ZNF549: variants seen among roughly 807,000 people sequenced by gnomAD.
ZNF549 encodes zinc finger protein 549.
In ZNF549, 11 loss-of-function variants were observed where a neutral mutation model predicts 11.1. That is an observed-to-expected ratio of 0.99 (90% CI 0.62 to 1.64). ZNF549 has a LOEUF of 1.64. Ranked by LOEUF, ZNF549 falls within the 40% of genes most tolerant of loss-of-function variation. The pLI is 0.00. For missense variants in ZNF549, 748 were observed against 765.1 expected, an observed-to-expected ratio of 0.98 and a Z score of 0.26; for synonymous variants, 266 against 269.1, an observed-to-expected ratio of 0.99 and a Z score of 0.11.
At chr19:57,531,875 A>G (rs1600163790) in intron 2 of ZNF549, among the ~76,000 whole-genome samples, 1 of 152,218 alleles carries the variant, frequency 6.6e-6, no homozygotes, top group African/African-American at 2.4e-5. Context: ...GGAATTATCC[A>G]TGTAATATTT....
intron 2 of ZNF549, 27 bp downstream of exon 2, chr19:57,531,135 A>G: frequency 6.3e-7 from 1 of 1,597,620 alleles, no homozygotes; most frequent in Non-Finnish European, 8.5e-7. Context: ...CCAGGTCTTC[A>G]CTGGCCCTGT....
Position 57,537,971 on chromosome 19 carries a change from C to T in ZNF549, c.967C>T (p.Gln323Ter), listed in dbSNP as rs2089934385. ...LSSKYSLVEH[Q>*]RTHNGEKPYV... ...CTCCAAATACTCACTTGTGGAACAC[C>T]AGAGAACCCATAATGGAGAAAAGCC... The change falls in exon 4 of 4, where the codon CAG becomes TAG. Residue 323 changes from glutamine to a stop codon, truncating the protein, a stop_gained. Coordinates refer to ENST00000376233, the MANE Select transcript of ZNF549 (RefSeq NM_001199295.2). LOFTEE classifies it low-confidence loss of function (END_TRUNC). 1 of 1,614,078 alleles carries T rather than the reference C, an allele frequency of 6.2e-7. No individual in the cohort carries two copies. Among genetic ancestry groups the T allele is most frequent in the African/African-American group, 1.3e-5 (1 of 75,004 alleles).
At position 57,540,008 on chromosome 19, in the gene ZNF549, C is replaced by T. The variant is rs1241754606; in HGVS notation, c.*1081C>T. ...CAGACCTTTGATTCTCCTTTAGCAA[C>T]ACACATCGTCAGCATAAGGCATCTA... On this transcript the variant is annotated 3_prime_UTR_variant, in exon 4 of 4. Transcript: ENST00000376233. 8 of 152,310 alleles carry T rather than the reference C, an allele frequency of 5.3e-5. No homozygotes were observed. In the East Asian group the frequency reaches 1.2e-3, roughly 22 times the overall value. 9.4% of individuals were successfully genotyped at this position (152,310 alleles called of 1,614,324 possible).
chr19:57,535,019 G>A, intron 2 of ZNF549, 125 bp from the exon 3 acceptor site: 2 of 1,287,952 alleles, frequency 1.6e-6, no homozygotes, highest in Non-Finnish European at 2.1e-6. Context: ...AAGGCCCAGA[G>A]CCCAGTGGGA....
rs779519614 is a variant in ZNF549, at chr19:57,537,605, C to T, written c.601C>T (p.Gln201Ter). The stretch of plus-strand genomic sequence containing the variant: ...AACCATCCTGGGCCTTCTCCAACAC[C>T]AGACCACCCACAGCAGACAAGAGTA... ...FPTILGLLQH[Q>*]TTHSRQEYAH... Residue 201 changes from glutamine (Q) to a stop codon, truncating the protein, a stop_gained, in exon 4 of 4, where the codon CAG (glutamine) becomes TAG (stop). Coordinates refer to ENST00000376233, the MANE Select transcript of ZNF549 (RefSeq NM_001199295.2). LOFTEE classifies it low-confidence loss of function (END_TRUNC). The T allele has an allele frequency of 6.2e-6, 10 of 1,614,184 alleles. No individual in the cohort carries two copies. The highest frequency in any genetic ancestry group is 8.5e-6 in the Non-Finnish European group (10 of 1,180,030).
intron 3 of ZNF549, among the ~76,000 whole-genome samples, chr19:57,536,205 TC>T (rs1172939665): frequency 2.0e-5 from 3 of 152,170 alleles, no homozygotes; most frequent in African/African-American, 7.2e-5. Context: ...GTTCCTCAGC[TC>T]GTGATGGGGT....
In ZNF549 at chr19:57,527,378, T is replaced by A. The variant is rs763002320; in HGVS notation, c.-196T>A. The A allele has an allele frequency of 2.6e-4, 191 of 729,502 alleles. No homozygotes were observed. The highest frequency in any genetic ancestry group is 4.1e-4 in the Non-Finnish European group (181 of 436,284). The allele number at this position is 729,502 out of a possible 1,614,324, so 45.2% of individuals were successfully genotyped here. A position where few individuals can be genotyped will look rare whatever the true frequency, so the allele number is the denominator to read the frequency against. Reference sequence around the variant, plus strand: ...GTCGTTTTTGCTGCCTGCGAGCGCGTCCGCGGGCTGGGCGTTTCCGGCTCG... The same window carrying A: ...GTCGTTTTTGCTGCCTGCGAGCGCGACCGCGGGCTGGGCGTTTCCGGCTCG... On this transcript the variant is annotated 5_prime_UTR_variant, in exon 1 of 4. Transcript: ENST00000376233.
intron 3 of ZNF549, among the ~76,000 whole-genome samples, chr19:57,535,870 G>T (rs185586826): frequency 1.3e-5 from 2 of 152,216 alleles, no homozygotes; most frequent in Non-Finnish European, 2.9e-5. Context: ...TCCTGAAAGC[G>T]TAGTGAAGTC....
intron 3 of ZNF549, among the ~76,000 whole-genome samples, chr19:57,536,459 C>CT (rs2089924917): frequency 6.6e-6 from 1 of 152,176 alleles, no homozygotes; most frequent in African/African-American, 2.4e-5. Flanking sequence ...GAATGTGTCA[C>CT]TTTCGTATCA....
rs2089882709 is a variant in ZNF549 at position 57,527,509 on chromosome 19, C to T, written c.-65C>T. Reference sequence around the variant, plus strand: ...TGAGCGTCGCCCAGCGATTTGCCACCGCACGCACGCCGGATCCCGGGCTTT... The same window carrying T: ...TGAGCGTCGCCCAGCGATTTGCCACTGCACGCACGCCGGATCCCGGGCTTT... On this transcript the variant is annotated 5_prime_UTR_variant, in exon 1 of 4. Coordinates refer to ENST00000376233, the MANE Select transcript of ZNF549 (RefSeq NM_001199295.2). 3 of 1,606,382 alleles carry T rather than the reference C, an allele frequency of 1.9e-6. No individual in the cohort carries two copies. The highest frequency in any genetic ancestry group is 1.1e-5 in the South Asian group (1 of 90,356).
intron 3 of ZNF549, among the ~76,000 whole-genome samples, chr19:57,536,161 T>C (rs918229038): frequency 6.6e-6 from 1 of 152,206 alleles, no homozygotes; most frequent in Non-Finnish European, 1.5e-5. Flanking sequence ...CTATACCTAA[T>C]GTATTTAATA....
At position 57,537,896 on chromosome 19, in the gene ZNF549, C is replaced by A; in HGVS notation, c.892C>A (p.His298Asn). 6.2e-7 allele frequency: 1 copy of A among 1,613,710 alleles called. No homozygotes were observed. Among genetic ancestry groups the A allele is most frequent in the Non-Finnish European group, 8.5e-7 (1 of 1,179,878 alleles). The change falls in exon 4 of 4, where the codon CAC becomes AAC. Residue 298 changes from histidine (H) to asparagine (N), a missense_variant. Transcript: ENST00000376233. ...ACTCGTTGGGCACCAGCAGAGAATT[C>A]ACACTAGAGAAAGGTCTTATGTGTG... ...QTLVGHQQRIHTRERSYVCIE... is the reference protein window; with the variant it reads ...QTLVGHQQRINTRERSYVCIE...
rs146835414 is a variant in ZNF549 at position 57,538,529 on chromosome 19, G to C, written c.1525G>C (p.Gly509Arg). ...TTATGAATGCAGTGAATGTGGAAAA[G>C]GCTTCTACCTTGAGGTTAAACTTCT... ...RPYECSECGK[G>R]FYLEVKLLQH... is the part of the protein sequence containing the mutation. The change falls in exon 4 of 4, where the codon GGC becomes CGC. Residue 509 changes from glycine to arginine, a missense_variant. By Grantham distance (125) the Gly-to-Arg change is moderately radical. Coordinates refer to ENST00000376233, the MANE Select transcript of ZNF549 (RefSeq NM_001199295.2). 213 of 1,614,000 alleles carry C rather than the reference G, an allele frequency of 1.3e-4. No individual in the cohort carries two copies. The highest frequency in any genetic ancestry group is 1.8e-4 in the Non-Finnish European group (207 of 1,180,036).
chr19:57,530,795 G>A (rs1294095559), intron 1 of ZNF549, among the ~76,000 whole-genome samples: 3 of 151,942 alleles, frequency 2.0e-5, no homozygotes, highest in Non-Finnish European at 4.4e-5. Flanking sequence ...GACTTAAATG[G>A]CAAGTAAGAA....
In ZNF549 at chr19:57,540,808, A is replaced by G. The variant is rs543687141; in HGVS notation, c.*1881A>G. 1.1e-4 allele frequency: 16 copies of G among 152,252 alleles called. No individual in the cohort carries two copies. Among genetic ancestry groups the G allele is most frequent in the Admixed American group, 9.8e-4 (15 of 15,298 alleles). 9.4% of individuals were successfully genotyped at this position (152,252 alleles called of 1,614,324 possible). ...ACAGATAAGAAATACGTGTGTATAT[A>G]TTCTATTTTGTGTGTTTTCATTCAC... is the stretch of plus-strand genomic sequence containing the variant. On this transcript the variant is annotated 3_prime_UTR_variant, in exon 4 of 4. Transcript: ENST00000376233.
intron 2 of ZNF549, among the ~76,000 whole-genome samples, chr19:57,533,216 A>C (rs1239739147): frequency 2.6e-5 from 4 of 152,172 alleles, no homozygotes; most frequent in Non-Finnish European, 5.9e-5. Flanking sequence ...GGGCAGGGGA[A>C]GCATTTTAAG....
At position 57,527,428 on chromosome 19, in the gene ZNF549, G is replaced by A; in HGVS notation, c.-146G>A. 1.7e-6 allele frequency: 2 copies of A among 1,187,478 alleles called. No homozygotes were observed. The highest frequency in any genetic ancestry group is 2.4e-6 in the Non-Finnish European group (2 of 829,242). The allele number at this position is 1,187,478 out of a possible 1,614,324, so 73.6% of individuals were successfully genotyped here. On this transcript the variant is annotated 5_prime_UTR_variant, in exon 1 of 4. Transcript: ENST00000376233. ...GCTGGGTCCGGGCCAGGTAACTGGA[G>A]CCGGAAACCGGTGGAGGTGGTGTCC...
At chr19:57,531,140 C>T (rs1415983575) in intron 2 of ZNF549, 32 bp downstream of exon 2, 2 of 1,596,264 alleles carry the variant, frequency 1.3e-6, no homozygotes, top group South Asian at 2.2e-5. Flanking sequence ...TCTTCACTGG[C>T]CCTGTTCCCT....
chr19:57,529,265 A>G (rs552427921), intron 1 of ZNF549, among the ~76,000 whole-genome samples: 8 of 152,328 alleles, frequency 5.3e-5, no homozygotes, highest in Non-Finnish European at 1.2e-4. Flanking sequence ...ATACCTTTCA[A>G]GAACCCCAGC....
Sources: gnomAD v4.1 joint callset for allele counts (sites outside exome capture counted in the v4.1 genomes callset) on GRCh38, gnomAD v4.1.1 for gene constraint, MANE v1.5 for transcripts, NCBI Gene and HGNC (gene_info 2026-07-23, HGNC 2026-07-21) for gene names.